Variants in DCC observed in about 807,000 individuals in gnomAD.
DCC encodes the protein DCC netrin 1 receptor.
DCC carries 58 observed loss-of-function variants against 172.5 expected under a neutral mutation model. That is an observed-to-expected ratio of 0.34 (90% CI 0.27 to 0.42). The LOEUF (loss-of-function observed/expected upper bound fraction) is 0.42. DCC is among the 10% of genes least tolerant of loss of function. The pLI is 1.00. For synonymous variants in DCC, 709 were observed against 644.5 expected (o/e 1.10, Z -1.52); for missense variants, 1,740 against 1,791.0 (o/e 0.97, Z 0.51).
At chr18:52,567,406 C>T (rs1296116761) in intron 1 of DCC, among the ~76,000 whole-genome samples, 6 of 152,048 alleles carry the variant, frequency 3.9e-5, no homozygotes, top group Non-Finnish European at 5.9e-5. Context: ...GTGGTGGGAA[C>T]AGAATGGACC....
intron 12 of DCC, among the ~76,000 whole-genome samples, chr18:53,265,952 C>G (rs1252617962): frequency 6.6e-6 from 1 of 152,098 alleles, no homozygotes; most frequent in Non-Finnish European, 1.5e-5. Flanking sequence ...GCTTTTCAAT[C>G]CTTGTTTCCT....
At chr18:53,200,612 C>T (rs893154434) in intron 9 of DCC, among the ~76,000 whole-genome samples, 9 of 152,118 alleles carry the variant, frequency 5.9e-5, no homozygotes, top group African/African-American at 1.7e-4. Context: ...GGAGTGTGGC[C>T]TCATGTTTGT....
chr18:52,957,087 G>T (rs1371864280), intron 5 of DCC, among the ~76,000 whole-genome samples: 1 of 152,102 alleles, frequency 6.6e-6, no homozygotes. Context: ...AACTTCGATA[G>T]AAAGAACAAT....
At chr18:52,353,404 A>T (rs1984214960) in intron 1 of DCC, among the ~76,000 whole-genome samples, 1 of 152,140 alleles carries the variant, frequency 6.6e-6, no homozygotes, top group Non-Finnish European at 1.5e-5. Flanking sequence ...CATAAAAGGG[A>T]CACAGAGGCC....
rs188124201 is a variant in DCC at position 52,892,881 on chromosome 18, C to A, written c.413-13163C>A. Among the ~76,000 whole-genome samples the A allele has an allele frequency of 2.1e-3, 315 of 152,086 alleles. 1 individual carries two copies. Among genetic ancestry groups the A allele is most frequent in the African/African-American group, 7.2e-3 (299 of 41,490 alleles). On this transcript the variant is annotated intron_variant, in intron 2 of 28. Transcript: ENST00000442544. ...TCCAATTTTCCCCCAGTAGGTACTT[C>A]CAAATTGAAATTAAAATTATATAGA...
At chr18:53,078,908 A>C (rs562739204) in intron 7 of DCC, among the ~76,000 whole-genome samples, 1 of 152,272 alleles carries the variant, frequency 6.6e-6, no homozygotes, top group East Asian at 1.9e-4. Context: ...GTCCAACAGA[A>C]AAGCCAGTTT....
At chr18:52,924,826 C>T (rs546506694) in intron 4 of DCC, among the ~76,000 whole-genome samples, 1 of 152,112 alleles carries the variant, frequency 6.6e-6, no homozygotes, top group East Asian at 1.9e-4. Flanking sequence ...GCCAAGCACT[C>T]TTAGTGCAGT....
At chr18:53,308,152 A>G (rs904045802) in intron 13 of DCC, among the ~76,000 whole-genome samples, 7 of 151,472 alleles carry the variant, frequency 4.6e-5, no homozygotes, top group African/African-American at 9.7e-5. Context: ...TAAATATCCA[A>G]CTATAGGAAG....
chr18:53,473,986 A>G (rs1434469385), intron 25 of DCC, among the ~76,000 whole-genome samples: 3 of 151,770 alleles, frequency 2.0e-5, no homozygotes, highest in African/African-American at 4.8e-5. Flanking sequence ...CTTATTCTAC[A>G]TGAATGGAAC....
chr18:52,953,038 T>C (rs1366451990), intron 5 of DCC, among the ~76,000 whole-genome samples: 2 of 137,478 alleles, frequency 1.5e-5, no homozygotes, highest in African/African-American at 5.2e-5. Flanking sequence ...ACTCATAACA[T>C]TGCCTTTAAT....
intron 2 of DCC, among the ~76,000 whole-genome samples, chr18:52,874,311 C>T (rs1173693866): frequency 6.6e-6 from 1 of 152,016 alleles, no homozygotes; most frequent in Non-Finnish European, 1.5e-5. Flanking sequence ...ATTATAAAGA[C>T]CAATTTAACT....
chr18:53,362,752 TGAG>T lies in DCC; in HGVS notation c.2359+22849_2359+22851del, dbSNP rs572183270. The stretch of plus-strand genomic sequence containing the variant: ...TGAGTTATATTTTATTATTAGACAT[TGAG>T]GAGAAAACAAGAAGGGACCCTTCCA... On this transcript the variant is annotated intron_variant, in intron 15 of 28. Coordinates refer to ENST00000442544, the MANE Select transcript of DCC (RefSeq NM_005215.4). Among the ~76,000 whole-genome samples, 9 of 152,222 alleles carry T rather than the reference TGAG, an allele frequency of 5.9e-5. No homozygotes were observed. In the East Asian group the frequency reaches 1.7e-3, roughly 29 times the overall value.
At chr18:53,178,341 A>G (rs1216600601) in intron 8 of DCC, among the ~76,000 whole-genome samples, 1 of 152,208 alleles carries the variant, frequency 6.6e-6, no homozygotes, top group Non-Finnish European at 1.5e-5. Flanking sequence ...ATTGATATTG[A>G]ACACATAGAG....
intron 12 of DCC, among the ~76,000 whole-genome samples, chr18:53,241,133 A>G (rs1008836009): frequency 1.3e-5 from 2 of 152,130 alleles, no homozygotes; most frequent in Non-Finnish European, 2.9e-5. Flanking sequence ...AATGGATGAG[A>G]GTGATCAAAG....
At chr18:52,908,017 G>A (rs12956563) in intron 3 of DCC, among the ~76,000 whole-genome samples, 2,850 of 152,120 alleles carry the variant, frequency 0.019, 49 homozygotes, top group Middle Eastern at 0.051. Flanking sequence ...TCTTTTAGCC[G>A]AACTTGTAAG....
intron 5 of DCC, among the ~76,000 whole-genome samples, chr18:52,993,709 T>C (rs1055835532): frequency 1.3e-5 from 2 of 152,158 alleles, no homozygotes; most frequent in African/African-American, 4.8e-5. Context: ...TAGTTCTGTT[T>C]TCCTGGGTGC....
chr18:53,392,562 C>T (rs1196888983), intron 17 of DCC, among the ~76,000 whole-genome samples: 4 of 152,134 alleles, frequency 2.6e-5, no homozygotes, highest in Non-Finnish European at 4.4e-5. Context: ...CTCTATCAAC[C>T]AGCCTCAGGG....
intron 1 of DCC, among the ~76,000 whole-genome samples, chr18:52,510,632 AC>A (rs2031402484): frequency 6.6e-6 from 1 of 152,216 alleles, no homozygotes; most frequent in African/African-American, 2.4e-5. Context: ...TAGAGAGTGA[AC>A]TGAGGAAACC....
rs143138476 is a variant in DCC, at chr18:52,627,102, G to A, written c.92-124952G>A. The stretch of plus-strand genomic sequence containing the variant: ...TTTTCATATGCCTCCCTATAAGTAA[G>A]TTCCTATTTTACATCTTACTTCTGC... On this transcript the variant is annotated intron_variant, in intron 1 of 28. Coordinates refer to ENST00000442544, the MANE Select transcript of DCC (RefSeq NM_005215.4). 3.2e-4 allele frequency among the ~76,000 whole-genome samples: 49 copies of A among 152,228 alleles called. 1 individual carries two copies. In the East Asian group the frequency reaches 8.9e-3, roughly 28 times the overall value.
Sources: gnomAD v4.1 joint callset for allele counts (sites outside exome capture counted in the v4.1 genomes callset) on GRCh38, gnomAD v4.1.1 for gene constraint, MANE v1.5 for transcripts, NCBI Gene and HGNC (gene_info 2026-07-23, HGNC 2026-07-21) for gene names.